Variants in MBNL1 observed in about 807,000 individuals in gnomAD.
MBNL1 encodes the protein muscleblind like splicing regulator 1.
Under a neutral mutation model 42.2 loss-of-function variants are expected in MBNL1, and 8 were observed. The ratio of observed to expected loss-of-function variants is 0.19; its 90% CI spans 0.11 to 0.34. The LOEUF is 0.34. Among genes scored for constraint, MBNL1 ranks in the 10% least tolerant of loss-of-function variants. The probability of loss-of-function intolerance (pLI) is 1.00; values close to 1 mark genes in which losing one functional copy is unlikely to be tolerated. For missense variants in MBNL1, 309 were observed against 495.3 expected (o/e 0.62, Z 3.57); for synonymous variants, 169 against 173.9 (o/e 0.97, Z 0.22).
chr3:152,307,840 G>C (rs1308650636), intron 2 of MBNL1, among the ~76,000 whole-genome samples: 1 of 152,088 alleles, frequency 6.6e-6, no homozygotes, highest in South Asian at 2.1e-4. Flanking sequence ...TTATAGTACA[G>C]GGCCTAAAAC....
At chr3:152,269,307 C>T in intron 1 of MBNL1, 1 of 350,562 alleles carries the variant, frequency 2.9e-6, no homozygotes. Context: ...CTGCGCCCTT[C>T]CCTGCCGCGG....
intron 8 of MBNL1, chr3:152,458,967 G>T (rs1403865064): frequency 4.8e-6 from 1 of 206,602 alleles, no homozygotes; most frequent in Non-Finnish European, 9.7e-6. Flanking sequence ...GTGTGTGTGT[G>T]TGTGTGTAGG....
chr3:152,373,341 G>GA (rs35536807), intron 2 of MBNL1, among the ~76,000 whole-genome samples: 434 of 90,458 alleles, frequency 4.8e-3, no homozygotes, highest in South Asian at 0.02. Flanking sequence ...CTGGGGTATG[G>GA]AAAAAAAAAA....
intron 2 of MBNL1, among the ~76,000 whole-genome samples, chr3:152,407,620 T>TA (rs1208352349): frequency 2.6e-5 from 4 of 152,062 alleles, no homozygotes; most frequent in African/African-American, 9.7e-5. Flanking sequence ...AATTATGTAA[T>TA]AAAAAAATCC....
intron 2 of MBNL1, among the ~76,000 whole-genome samples, chr3:152,318,831 C>T (rs2074150186): frequency 1.3e-5 from 2 of 152,262 alleles, no homozygotes; most frequent in South Asian, 2.1e-4. Context: ...AAAAAAGACA[C>T]TCTACAGGCA....
intron 2 of MBNL1, among the ~76,000 whole-genome samples, chr3:152,314,508 T>G (rs2069327009): frequency 6.6e-6 from 1 of 152,060 alleles, no homozygotes; most frequent in African/African-American, 2.4e-5. Context: ...CCCAAGTAGC[T>G]AGGATTACAG....
chr3:152,384,085 G>A (rs547418948), intron 2 of MBNL1, among the ~76,000 whole-genome samples: 1 of 152,198 alleles, frequency 6.6e-6, no homozygotes, highest in African/African-American at 2.4e-5. Flanking sequence ...AAATGTAAAT[G>A]ATTTATATTT....
chr3:152,417,788 A>G (rs2098727335), intron 3 of MBNL1, among the ~76,000 whole-genome samples: 1 of 152,228 alleles, frequency 6.6e-6, no homozygotes, highest in Non-Finnish European at 1.5e-5. Flanking sequence ...ACACAAGCCC[A>G]GTTACAGAGG....
intron 2 of MBNL1, among the ~76,000 whole-genome samples, chr3:152,380,631 G>C (rs1230139884): frequency 6.6e-6 from 1 of 152,034 alleles, no homozygotes; most frequent in East Asian, 1.9e-4. Context: ...TAATATTTCA[G>C]ATACCTTAAT....
chr3:152,367,000 A>AGG (rs1228641681), intron 2 of MBNL1, among the ~76,000 whole-genome samples: 1 of 152,146 alleles, frequency 6.6e-6, no homozygotes, highest in Non-Finnish European at 1.5e-5. Flanking sequence ...ACAAGGCTGT[A>AGG]AATTCTAAAG....
At chr3:152,375,054 G>C (rs2096839069) in intron 2 of MBNL1, among the ~76,000 whole-genome samples, 1 of 152,026 alleles carries the variant, frequency 6.6e-6, no homozygotes, top group South Asian at 2.1e-4. Context: ...TGTCTAGGCT[G>C]GTTTCAAACT....
intron 2 of MBNL1, among the ~76,000 whole-genome samples, chr3:152,362,700 C>T (rs1376903144): frequency 1.3e-5 from 2 of 152,132 alleles, no homozygotes; most frequent in African/African-American, 2.4e-5. Context: ...GAACATATCT[C>T]TGGGTATTGC....
At chr3:152,410,080 A>G (rs2098529485) in intron 2 of MBNL1, among the ~76,000 whole-genome samples, 1 of 151,982 alleles carries the variant, frequency 6.6e-6, no homozygotes, top group African/African-American at 2.4e-5. Context: ...CTTCCATTAT[A>G]TAATTTATAT....
intron 2 of MBNL1, among the ~76,000 whole-genome samples, chr3:152,329,707 AT>A: frequency 6.8e-6 from 1 of 147,162 alleles, no homozygotes; most frequent in African/African-American, 2.5e-5. Context: ...ATATATATAT[AT>A]AATATATATG....
chr3:152,410,149 G>A (rs2098532043), intron 2 of MBNL1, among the ~76,000 whole-genome samples: 2 of 152,026 alleles, frequency 1.3e-5, no homozygotes, highest in Non-Finnish European at 2.9e-5. Flanking sequence ...CATATGTAAT[G>A]TAAAGGTATA....
chr3:152,351,196 A>G (rs1272471134), intron 2 of MBNL1, among the ~76,000 whole-genome samples: 7 of 152,204 alleles, frequency 4.6e-5, no homozygotes, highest in Non-Finnish European at 1.0e-4. Context: ...CATTGTAATA[A>G]GTAGAAACAT....
rs1348030375 is a variant in MBNL1, at chr3:152,318,239, G to A, written c.174+17872G>A. ...CTGTTCTAGAGAAAAACAGGTCACC[G>A]TTGGAAGAAAAAAGCAGTCTCACGT... On this transcript the variant is annotated intron_variant, in intron 2 of 9. Transcript: ENST00000324210. 5.3e-5 allele frequency among the ~76,000 whole-genome samples: 8 copies of A among 152,262 alleles called. No individual in the cohort carries two copies. In the South Asian group the frequency reaches 8.3e-4, roughly 16 times the overall value.
At chr3:152,278,471 T>G (rs2046542177) in intron 1 of MBNL1, among the ~76,000 whole-genome samples, 1 of 152,108 alleles carries the variant, frequency 6.6e-6, no homozygotes, top group African/African-American at 2.4e-5. Context: ...ATTTTTTCCT[T>G]CAATAGGAAA....
chr3:152,374,971 G>A (rs2096835036), intron 2 of MBNL1, among the ~76,000 whole-genome samples: 1 of 152,188 alleles, frequency 6.6e-6, no homozygotes, highest in African/African-American at 2.4e-5. Context: ...TCTAAGACAT[G>A]CATATTATAA....
Sources: gnomAD v4.1 joint callset for allele counts (sites outside exome capture counted in the v4.1 genomes callset) on GRCh38, gnomAD v4.1.1 for gene constraint, MANE v1.5 for transcripts, NCBI Gene and HGNC (gene_info 2026-07-23, HGNC 2026-07-21) for gene names.